WWC1: variants seen among roughly 807,000 people sequenced by gnomAD.
WWC1 encodes the protein WW and C2 domain containing 1, also known as protein KIBRA.
Under a neutral mutation model 138.4 loss-of-function variants are expected in WWC1, and 55 were observed. That is an observed-to-expected ratio of 0.40 (90% CI 0.32 to 0.50). The LOEUF is 0.50. Among genes scored for constraint, WWC1 ranks in the 20% least tolerant of loss-of-function variants. WWC1 has a pLI of 0.72. For synonymous variants in WWC1, 524 were observed against 564.9 expected, an observed-to-expected ratio of 0.93 and a Z score of 1.03; for missense variants, 1,226 against 1,420.4, an observed-to-expected ratio of 0.86 and a Z score of 2.20.
At chr5:168,329,297 G>A (rs1234809846) in intron 1 of WWC1, among the ~76,000 whole-genome samples, 12 of 152,318 alleles carry the variant, frequency 7.9e-5, no homozygotes, top group Non-Finnish European at 1.3e-4. Context: ...GCCTGGTTAT[G>A]CTGAGCCCAA....
At chr5:168,447,919 G>A (rs78948594) in intron 17 of WWC1, among the ~76,000 whole-genome samples, 15 of 151,676 alleles carry the variant, frequency 9.9e-5, no homozygotes, top group South Asian at 2.1e-4. Context: ...ACTCTACTAC[G>A]GATCACACAG....
chr5:168,394,002 G>T (rs575718440), intron 3 of WWC1, among the ~76,000 whole-genome samples: 1 of 152,338 alleles, frequency 6.6e-6, no homozygotes, highest in East Asian at 1.9e-4. Context: ...AATAGTGTTT[G>T]CAGAGTAAAA....
chr5:168,307,379 G>A (rs1366895941), intron 1 of WWC1, among the ~76,000 whole-genome samples: 1 of 152,140 alleles, frequency 6.6e-6, no homozygotes, highest in Admixed American at 6.6e-5. Context: ...TTTCACTGCT[G>A]TGATTCCTTC....
chr5:168,355,309 CATGTTGA>C (rs1775309610), intron 1 of WWC1, among the ~76,000 whole-genome samples: 2 of 151,922 alleles, frequency 1.3e-5, no homozygotes, highest in African/African-American at 4.8e-5. Flanking sequence ...GCAGAGCCAA[CATGTTGA>C]AACCTCGTCT....
intron 1 of WWC1, among the ~76,000 whole-genome samples, chr5:168,326,163 A>G (rs1772513831): frequency 6.6e-6 from 1 of 151,224 alleles, no homozygotes; most frequent in Non-Finnish European, 1.5e-5. Flanking sequence ...TTTTAAGGTA[A>G]TAAGGCGTAA....
chr5:168,398,665 G>A (rs1779092181), intron 4 of WWC1, among the ~76,000 whole-genome samples: 1 of 152,166 alleles, frequency 6.6e-6, no homozygotes, highest in African/African-American at 2.4e-5. Context: ...TTGAATAGTG[G>A]TTTAGTTAAA....
chr5:168,368,047 A>T (rs999535716), intron 1 of WWC1, among the ~76,000 whole-genome samples: 17 of 150,148 alleles, frequency 1.1e-4, no homozygotes, highest in Admixed American at 4.0e-4. Context: ...CTCAGAGTAT[A>T]TTGAGAGCAT....
chr5:168,457,874 AT>A (rs1342185162), intron 19 of WWC1, among the ~76,000 whole-genome samples: 1 of 152,252 alleles, frequency 6.6e-6, no homozygotes, highest in Non-Finnish European at 1.5e-5. Context: ...AACTTGGCAC[AT>A]TTGTAGAATG....
intron 13 of WWC1, 46 bp downstream of exon 13, chr5:168,428,833 G>A: frequency 1.2e-6 from 2 of 1,602,208 alleles, no homozygotes; most frequent in East Asian, 2.2e-5. Flanking sequence ...TCTGTGTGGG[G>A]TCCCTTCTTC....
chr5:168,416,531 A>G (rs1307545847), intron 9 of WWC1: 2 of 152,192 alleles, frequency 1.3e-5, no homozygotes, highest in African/African-American at 4.8e-5. Context: ...GCCTCTGTGT[A>G]TATCTCCTGG....
intron 2 of WWC1, among the ~76,000 whole-genome samples, chr5:168,372,717 C>T (rs186143803): frequency 9.2e-5 from 14 of 152,338 alleles, no homozygotes; most frequent in African/African-American, 3.1e-4. Flanking sequence ...TGAAGTTGTA[C>T]TTCTCCACCT....
chr5:168,316,154 G>T (rs1477931880), intron 1 of WWC1, among the ~76,000 whole-genome samples: 1 of 152,212 alleles, frequency 6.6e-6, no homozygotes, highest in East Asian at 1.9e-4. Flanking sequence ...CTCAGAATTT[G>T]CGACCACGAT....
chr5:168,320,193 C>A (rs1010549578), intron 1 of WWC1, among the ~76,000 whole-genome samples: 1 of 152,148 alleles, frequency 6.6e-6, no homozygotes, highest in Non-Finnish European at 1.5e-5. Flanking sequence ...CGCCACCATG[C>A]CTGGCTAATT....
At chr5:168,329,794 T>C (rs1472209691) in intron 1 of WWC1, among the ~76,000 whole-genome samples, 6 of 152,156 alleles carry the variant, frequency 3.9e-5, no homozygotes, top group Admixed American at 3.9e-4. Context: ...AGTGAAATGA[T>C]AGAAAGCAAT....
chr5:168,366,802 CTTTTT>C (rs202012790), intron 1 of WWC1, among the ~76,000 whole-genome samples: 141 of 100,560 alleles, frequency 1.4e-3, no homozygotes, highest in Non-Finnish European at 2.0e-3. Flanking sequence ...CTTTGAAACA[CTTTTT>C]TTTTTTTTTT....
At chr5:168,452,883 A>G (rs1476549860) in intron 17 of WWC1, among the ~76,000 whole-genome samples, 1 of 152,094 alleles carries the variant, frequency 6.6e-6, no homozygotes, top group African/African-American at 2.4e-5. Context: ...AGGTGAACAG[A>G]TCTAAACATG....
chr5:168,352,001 C>T (rs1194851341), intron 1 of WWC1, among the ~76,000 whole-genome samples: 1 of 152,222 alleles, frequency 6.6e-6, no homozygotes, highest in East Asian at 1.9e-4. Context: ...AGATTCCGAT[C>T]TCAGAGCTGC....
At chr5:168,385,435 C>T in intron 3 of WWC1, 21 bp downstream of exon 3, 1 of 1,609,734 alleles carries the variant, frequency 6.2e-7, no homozygotes, top group Non-Finnish European at 8.5e-7. Flanking sequence ...CCCACTACCA[C>T]CACCCCCACC....
intron 17 of WWC1, among the ~76,000 whole-genome samples, chr5:168,448,847 C>T (rs1755533154): frequency 6.6e-6 from 1 of 152,018 alleles, no homozygotes; most frequent in African/African-American, 2.4e-5. Context: ...TCTCGATCTC[C>T]TGACCTCGTG....
Sources: gnomAD v4.1 joint callset for allele counts (sites outside exome capture counted in the v4.1 genomes callset) on GRCh38, gnomAD v4.1.1 for gene constraint, MANE v1.5 for transcripts, NCBI Gene and HGNC (gene_info 2026-07-23, HGNC 2026-07-21) for gene names.